MMP20: variants seen among roughly 807,000 people sequenced by gnomAD.
MMP20 encodes matrix metalloproteinase-20.
Under a neutral mutation model 51.8 loss-of-function variants are expected in MMP20, and 50 were observed. The observed-to-expected ratio is 0.97, with a 90% CI of 0.77 to 1.22. MMP20 has a LOEUF of 1.22. Among genes scored for constraint, MMP20 ranks in the 50% most tolerant of loss-of-function variants. The pLI, the probability that MMP20 is intolerant of heterozygous loss-of-function variation, is 0.00. For missense variants in MMP20, 663 were observed against 601.4 expected (o/e 1.10, Z -1.07); for synonymous variants, 244 against 216.2 (o/e 1.13, Z -1.13).
chr11:102,614,569 T>C (rs995242320), intron 2 of MMP20, among the ~76,000 whole-genome samples: 5 of 152,262 alleles, frequency 3.3e-5, no homozygotes, highest in Admixed American at 6.5e-5. Flanking sequence ...GTACACATTT[T>C]TCTTGTCTTA....
In MMP20 at chr11:102,577,245, A is replaced by G. The variant is rs958760888; in HGVS notation, c.*81T>C. On this transcript the variant is annotated 3_prime_UTR_variant, in exon 10 of 10. Coordinates refer to ENST00000260228, the MANE Select transcript of MMP20 (RefSeq NM_004771.4). ...AGGCCTTTGGAAGAATCCCTCTCCT[A>G]CATTCTGCTTTAGTCCTTAAGATCC... 1.5e-5 allele frequency: 14 copies of G among 914,728 alleles called. No homozygotes were observed. The Admixed American group carries it at 2.4e-4, about 16-fold the overall frequency. The allele number at this position is 914,728 out of a possible 1,614,324, so 56.7% of individuals were successfully genotyped here. A position where few individuals can be genotyped will look rare whatever the true frequency, so the allele number is the denominator to read the frequency against.
At chr11:102,619,425 C>T (rs950217286) in intron 1 of MMP20, among the ~76,000 whole-genome samples, 8 of 152,182 alleles carry the variant, frequency 5.3e-5, no homozygotes, top group African/African-American at 1.9e-4. Context: ...TTTACCACTG[C>T]TGTTACAACA....
intron 5 of MMP20, 133 bp from the exon 6 acceptor site, chr11:102,606,809 G>T (rs1054680760): frequency 5.5e-6 from 6 of 1,084,196 alleles, no homozygotes; most frequent in Non-Finnish European, 8.4e-6. Flanking sequence ...TTGAGGGCAG[G>T]TATGGGTTTG....
intron 9 of MMP20, among the ~76,000 whole-genome samples, chr11:102,577,842 T>C (rs945212017): frequency 5.3e-5 from 8 of 152,258 alleles, no homozygotes; most frequent in African/African-American, 1.9e-4. Context: ...AGATCAGCTC[T>C]TGCAATTATT....
At chr11:102,597,705 T>C (rs1194771757) in intron 6 of MMP20, among the ~76,000 whole-genome samples, 1 of 152,238 alleles carries the variant, frequency 6.6e-6, no homozygotes, top group African/African-American at 2.4e-5. Context: ...GTAATGTATA[T>C]AATGTGCACA....
At chr11:102,585,169 G>C (rs889810467) in intron 8 of MMP20, among the ~76,000 whole-genome samples, 2 of 152,146 alleles carry the variant, frequency 1.3e-5, no homozygotes, top group African/African-American at 2.4e-5. Flanking sequence ...TTCTGAAAGA[G>C]ATTGTGTTGA....
chr11:102,602,189 C>T (rs7946681), intron 6 of MMP20, among the ~76,000 whole-genome samples: 69,256 of 137,402 alleles, frequency 0.5, 18,132 homozygotes, highest in South Asian at 0.65. Flanking sequence ...AGGATGGTCT[C>T]CATCTCCTGA....
At chr11:102,593,347 C>T (rs1417043023) in intron 8 of MMP20, 92 bp downstream of exon 8, 33 of 1,422,508 alleles carry the variant, frequency 2.3e-5, no homozygotes, top group Non-Finnish European at 2.8e-5. Context: ...CTATCGCAAA[C>T]TTGCTTTGCA....
chr11:102,581,725 A>C (rs1417153395), intron 8 of MMP20, among the ~76,000 whole-genome samples: 1 of 152,182 alleles, frequency 6.6e-6, no homozygotes, highest in Non-Finnish European at 1.5e-5. Flanking sequence ...CACAATGTTC[A>C]ATGAAAATAA....
intron 8 of MMP20, among the ~76,000 whole-genome samples, chr11:102,589,166 T>TG (rs752482726): frequency 5.8e-4 from 89 of 152,230 alleles, no homozygotes; most frequent in Admixed American, 9.2e-4. Flanking sequence ...CATACTGAAC[T>TG]GTTTGAGGTT....
intron 8 of MMP20, among the ~76,000 whole-genome samples, chr11:102,585,053 T>C (rs1859239207): frequency 6.6e-6 from 1 of 152,182 alleles, no homozygotes; most frequent in East Asian, 1.9e-4. Flanking sequence ...TTGGGAAGTA[T>C]GAATCCTCCA....
At chr11:102,586,802 G>A (rs1348239650) in intron 8 of MMP20, among the ~76,000 whole-genome samples, 1 of 151,802 alleles carries the variant, frequency 6.6e-6, no homozygotes, top group Non-Finnish European at 1.5e-5. Context: ...GGGGGACAGA[G>A]CAAGACTCCG....
chr11:102,600,894 G>A (rs909815270), intron 6 of MMP20, among the ~76,000 whole-genome samples: 6 of 151,898 alleles, frequency 4.0e-5, no homozygotes, highest in African/African-American at 7.3e-5. Context: ...TCAGTCCTCA[G>A]TCTGGTGACC....
intron 8 of MMP20, among the ~76,000 whole-genome samples, chr11:102,582,294 C>T (rs906079976): frequency 3.3e-5 from 5 of 152,134 alleles, no homozygotes; most frequent in Admixed American, 3.3e-4. Flanking sequence ...CTCCATTCTA[C>T]CCTCTTAGAA....
At chr11:102,619,419 C>T (rs1859718815) in intron 1 of MMP20, among the ~76,000 whole-genome samples, 1 of 152,142 alleles carries the variant, frequency 6.6e-6, no homozygotes, top group African/African-American at 2.4e-5. Flanking sequence ...GCCGTGTTTA[C>T]CACTGCTGTT....
chr11:102,591,061 C>T (rs577291740), intron 8 of MMP20, among the ~76,000 whole-genome samples: 18 of 152,278 alleles, frequency 1.2e-4, no homozygotes, highest in Admixed American at 2.6e-4. Context: ...ATACTAGTGG[C>T]TAAATTAAAT....
chr11:102,577,385 C>A lies in MMP20; in HGVS notation c.1393G>T (p.Asp465Tyr). The change falls in exon 10 of 10, where the codon GAC becomes TAC. Residue 465 changes from aspartate (D) to tyrosine (Y), a missense_variant. Transcript: ENST00000260228. ...FFSGPKTYKY[D>Y]TEKEDVVSVV... is the part of the protein sequence containing the mutation. ...CTAACCACATCTTCCTTCTCTGTGT[C>A]ATACTTGTATGTTTTTGGTCCTGAA... 1.9e-6 allele frequency: 3 copies of A among 1,614,030 alleles called. No individual in the cohort carries two copies. The South Asian group carries it at 3.3e-5, about 18-fold the overall frequency.
At chr11:102,614,542 A>G (rs2135945128) in intron 2 of MMP20, among the ~76,000 whole-genome samples, 1 of 152,360 alleles carries the variant, frequency 6.6e-6, no homozygotes, top group East Asian at 1.9e-4. Context: ...AAAACTATGA[A>G]AAGACTCTGT....
chr11:102,590,129 C>A (rs1031725017), intron 8 of MMP20, among the ~76,000 whole-genome samples: 1 of 152,082 alleles, frequency 6.6e-6, no homozygotes, highest in African/African-American at 2.4e-5. Flanking sequence ...CCCCCTGCTG[C>A]CAGAAATCCC....
Sources: gnomAD v4.1 joint callset for allele counts (sites outside exome capture counted in the v4.1 genomes callset) on GRCh38, gnomAD v4.1.1 for gene constraint, MANE v1.5 for transcripts, NCBI Gene and HGNC (gene_info 2026-07-23, HGNC 2026-07-21) for gene names.